The following RIMS4 variants were observed in gnomAD, a reference collection of about 807,000 sequenced individuals.
RIMS4 encodes the protein regulating synaptic membrane exocytosis protein 4.
RIMS4 carries 9 observed loss-of-function variants against 29.0 expected under a neutral mutation model. The ratio of observed to expected loss-of-function variants is 0.31; its 90% CI spans 0.19 to 0.54. The LOEUF is 0.54. Among genes scored for constraint, RIMS4 ranks in the 20% least tolerant of loss-of-function variants. The pLI is 0.94. For synonymous variants in RIMS4, 130 were observed against 152.9 expected (o/e 0.85, Z 1.10); for missense variants, 193 against 365.7 (o/e 0.53, Z 3.85).
chr20:44,790,747 T>C (rs985565012), intron 1 of RIMS4, among the ~76,000 whole-genome samples: 3 of 152,038 alleles, frequency 2.0e-5, no homozygotes, highest in African/African-American at 4.8e-5. Context: ...GGTCACCAGG[T>C]TGGAAGGAGA....
At chr20:44,772,925 C>T (rs1407774962) in intron 1 of RIMS4, among the ~76,000 whole-genome samples, 1 of 152,222 alleles carries the variant, frequency 6.6e-6, no homozygotes, top group African/African-American at 2.4e-5. Flanking sequence ...TCTCTCCTTC[C>T]TCCCTGCCTC....
intron 3 of RIMS4, 83 bp downstream of exon 3, chr20:44,757,989 A>T (rs2066067951): frequency 9.0e-7 from 1 of 1,107,978 alleles, no homozygotes; most frequent in East Asian, 2.4e-5. Context: ...CAACAGGCAA[A>T]GGGGAAGGAG....
intron 1 of RIMS4, among the ~76,000 whole-genome samples, chr20:44,794,874 C>G (rs1285863011): frequency 1.3e-5 from 2 of 152,200 alleles, no homozygotes; most frequent in African/African-American, 2.4e-5. Context: ...CTCTGGGTCT[C>G]TTGGCTTCAC....
At chr20:44,794,947 T>A (rs973969990) in intron 1 of RIMS4, among the ~76,000 whole-genome samples, 1 of 152,150 alleles carries the variant, frequency 6.6e-6, no homozygotes, top group Non-Finnish European at 1.5e-5. Flanking sequence ...GTTTGTCACA[T>A]CCCTGCTAAA....
At chr20:44,759,876 G>A (rs2066076844) in intron 2 of RIMS4, among the ~76,000 whole-genome samples, 1 of 152,224 alleles carries the variant, frequency 6.6e-6, no homozygotes, top group Admixed American at 6.5e-5. Context: ...TAAGTTATCT[G>A]CAGAGTTAAT....
intron 1 of RIMS4, among the ~76,000 whole-genome samples, chr20:44,806,816 G>A (rs1005280213): frequency 3.3e-5 from 5 of 152,194 alleles, no homozygotes; most frequent in Admixed American, 3.3e-4. Context: ...GACCTTGGAT[G>A]AATTAATATG....
intron 1 of RIMS4, among the ~76,000 whole-genome samples, chr20:44,809,499 G>A (rs1264893253): frequency 6.6e-6 from 1 of 151,950 alleles, no homozygotes; most frequent in Non-Finnish European, 1.5e-5. Context: ...CCTGAGGTCA[G>A]GGGCACACAC....
chr20:44,781,512 C>T (rs1316238986), intron 1 of RIMS4, among the ~76,000 whole-genome samples: 1 of 152,132 alleles, frequency 6.6e-6, no homozygotes, highest in Non-Finnish European at 1.5e-5. Context: ...GAAGGTTATA[C>T]TGACAAATAA....
intron 1 of RIMS4, among the ~76,000 whole-genome samples, chr20:44,774,913 C>T (rs1366540395): frequency 6.6e-6 from 1 of 152,104 alleles, no homozygotes; most frequent in Non-Finnish European, 1.5e-5. Flanking sequence ...CTAACTTCCT[C>T]GGAGAACAGC....
intron 1 of RIMS4, among the ~76,000 whole-genome samples, chr20:44,780,958 C>A (rs1014241969): frequency 6.6e-6 from 1 of 152,130 alleles, no homozygotes; most frequent in African/African-American, 2.4e-5. Flanking sequence ...ATGGAATGTG[C>A]TTTGTAACTC....
rs573808365 is a variant in RIMS4 at position 44,768,278 on chromosome 20, A to G, written c.236+2997T>C. On this transcript the variant is annotated intron_variant, in intron 2 of 5. Coordinates refer to ENST00000372851, the MANE Select transcript of RIMS4 (RefSeq NM_182970.4). ...ACTGCCTGGCACATTCTAAGTGCTCAATCACATCTGCTGAAATGAAAATCC... is the reference window on the plus strand; with the variant it reads ...ACTGCCTGGCACATTCTAAGTGCTCGATCACATCTGCTGAAATGAAAATCC... Among the ~76,000 whole-genome samples the G allele has an allele frequency of 5.3e-5, 8 of 152,338 alleles. No individual in the cohort carries two copies. In the South Asian group the frequency reaches 1.5e-3, roughly 28 times the overall value.
At chr20:44,759,156 G>A (rs1423615308) in intron 2 of RIMS4, among the ~76,000 whole-genome samples, 1 of 152,126 alleles carries the variant, frequency 6.6e-6, no homozygotes, top group Non-Finnish European at 1.5e-5. Context: ...CATGCCTGAT[G>A]TGCCTCTGTT....
chr20:44,809,114 C>T (rs1445419039), intron 1 of RIMS4, among the ~76,000 whole-genome samples: 2 of 152,138 alleles, frequency 1.3e-5, no homozygotes, highest in South Asian at 2.1e-4. Flanking sequence ...TGCATCGATA[C>T]GATGATCCCC....
intron 1 of RIMS4, among the ~76,000 whole-genome samples, chr20:44,786,918 T>C (rs1171673364): frequency 6.6e-6 from 1 of 152,200 alleles, no homozygotes; most frequent in Non-Finnish European, 1.5e-5. Flanking sequence ...TCCAACACGG[T>C]TCTAGGCACT....
intron 1 of RIMS4, among the ~76,000 whole-genome samples, chr20:44,809,339 G>A (rs1022983635): frequency 1.3e-5 from 2 of 152,106 alleles, no homozygotes; most frequent in African/African-American, 4.8e-5. Context: ...CTTCTGCCGG[G>A]TCCCAGGGCC....
chr20:44,802,093 AT>A (rs1463204377), intron 1 of RIMS4, among the ~76,000 whole-genome samples: 1 of 152,162 alleles, frequency 6.6e-6, no homozygotes, highest in Admixed American at 6.5e-5. Context: ...CCTCCAGAGG[AT>A]TCTGAGGCTC....
chr20:44,805,439 C>T (rs2066294454), intron 1 of RIMS4, among the ~76,000 whole-genome samples: 1 of 152,142 alleles, frequency 6.6e-6, no homozygotes, highest in South Asian at 2.1e-4. Flanking sequence ...AGAGTTCTGC[C>T]CAGCTCTGAA....
At chr20:44,785,398 A>G (rs2066203709) in intron 1 of RIMS4, among the ~76,000 whole-genome samples, 1 of 152,030 alleles carries the variant, frequency 6.6e-6, no homozygotes, top group Non-Finnish European at 1.5e-5. Context: ...TTTTGTAGAG[A>G]CAGGGTCTCG....
chr20:44,788,017 A>T (rs535750921), intron 1 of RIMS4, among the ~76,000 whole-genome samples: 1 of 152,380 alleles, frequency 6.6e-6, no homozygotes, highest in East Asian at 1.9e-4. Flanking sequence ...AGACACACAA[A>T]GTTTAAGTAA....
Sources: gnomAD v4.1 joint callset for allele counts (sites outside exome capture counted in the v4.1 genomes callset) on GRCh38, gnomAD v4.1.1 for gene constraint, MANE v1.5 for transcripts, NCBI Gene and HGNC (gene_info 2026-07-23, HGNC 2026-07-21) for gene names.